NCKAP5: variants seen among roughly 807,000 people sequenced by gnomAD.
NCKAP5 encodes the protein nck-associated protein 5.
NCKAP5 carries 92 observed loss-of-function variants against 167.0 expected under a neutral mutation model. The ratio of observed to expected loss-of-function variants is 0.55; its 90% CI spans 0.47 to 0.66. NCKAP5 has a LOEUF of 0.66. Among genes scored for constraint, NCKAP5 ranks in the 30% least tolerant of loss-of-function variants. NCKAP5 has a pLI of 0.00. For missense variants in NCKAP5, 2,378 were observed against 2,315.0 expected (o/e 1.03, Z -0.56); for synonymous variants, 891 against 877.4 (o/e 1.02, Z -0.27).
At chr2:133,531,488 C>CTGGTTCTAAA (rs11281576) in intron 2 of NCKAP5, among the ~76,000 whole-genome samples, 17,094 of 151,970 alleles carry the variant, frequency 0.11, 1,136 homozygotes, top group East Asian at 0.3. Context: ...AGCACTCTTT[C>CTGGTTCTAAA]TGGTTCTAAA....
chr2:133,362,708 G>T (rs1452131955), intron 3 of NCKAP5, among the ~76,000 whole-genome samples: 1 of 152,116 alleles, frequency 6.6e-6, no homozygotes, highest in East Asian at 1.9e-4. Context: ...GAGAGGCAAA[G>T]TGAATCTGGA....
intron 3 of NCKAP5, among the ~76,000 whole-genome samples, chr2:133,429,665 A>G (rs1408246609): frequency 6.7e-6 from 1 of 150,194 alleles, no homozygotes; most frequent in Non-Finnish European, 1.5e-5. Context: ...TTATGGCTGC[A>G]TAGTATTCCA....
intron 3 of NCKAP5, among the ~76,000 whole-genome samples, chr2:133,413,351 A>G (rs1369599872): frequency 6.6e-6 from 1 of 152,216 alleles, no homozygotes; most frequent in Non-Finnish European, 1.5e-5. Flanking sequence ...ATTGTAATGC[A>G]CACAGATTGC....
chr2:133,503,187 T>C (rs1005915077), intron 3 of NCKAP5, among the ~76,000 whole-genome samples: 5 of 152,224 alleles, frequency 3.3e-5, no homozygotes, highest in African/African-American at 4.8e-5. Flanking sequence ...ATAGTGACTG[T>C]TATTCATTTC....
intron 5 of NCKAP5, among the ~76,000 whole-genome samples, chr2:133,173,375 T>C (rs557735591): frequency 7.2e-5 from 11 of 152,192 alleles, no homozygotes; most frequent in Non-Finnish European, 1.6e-4. Flanking sequence ...CAGGTTATTT[T>C]GAACTTTTAT....
chr2:133,142,605 A>T (rs558434721), intron 5 of NCKAP5, among the ~76,000 whole-genome samples: 14 of 152,282 alleles, frequency 9.2e-5, no homozygotes, highest in African/African-American at 3.4e-4. Context: ...GACTGAACAC[A>T]GCAAGAGCTA....
chr2:132,828,760 A>C lies in NCKAP5; in HGVS notation c.807+31732T>G, dbSNP rs574790507. On this transcript the variant is annotated intron_variant, in intron 11 of 19. Transcript: ENST00000409261. ...CTTGGTCTAATCCCAGAAGGCAATT[A>C]TCTCTCTCAAGCTTCCACAGGTAGC... is the stretch of plus-strand genomic sequence containing the variant. 2.0e-5 allele frequency among the ~76,000 whole-genome samples: 3 copies of C among 152,314 alleles called. No individual in the cohort carries two copies. The South Asian group carries it at 6.2e-4, about 32-fold the overall frequency.
chr2:133,459,827 A>G (rs977361785), intron 3 of NCKAP5, among the ~76,000 whole-genome samples: 1 of 152,216 alleles, frequency 6.6e-6, no homozygotes, highest in Non-Finnish European at 1.5e-5. Flanking sequence ...CGTGGGAAGC[A>G]CACACTTTCA....
intron 16 of NCKAP5, among the ~76,000 whole-genome samples, chr2:132,737,715 G>C (rs570450713): frequency 6.6e-6 from 1 of 152,278 alleles, no homozygotes; most frequent in South Asian, 2.1e-4. Context: ...TTGAGGACTA[G>C]AAACAAAGCA....
intron 6 of NCKAP5, among the ~76,000 whole-genome samples, chr2:133,078,795 A>G (rs1209032981): frequency 6.6e-6 from 1 of 152,118 alleles, no homozygotes. Flanking sequence ...ATGAAGCACT[A>G]TAGGATGTGT....
Position 133,517,541 on chromosome 2 carries a change from A to C in NCKAP5, c.-15T>G, listed in dbSNP as rs377587090. ...TTTCCCTCCATGGATGAAGTTATTT[A>C]TTTTCTTTTGTGACTTATAAGAATC... On this transcript the variant is annotated 5_prime_UTR_variant, in exon 3 of 20. Transcript: ENST00000409261. The C allele has an allele frequency of 4.9e-4, 737 of 1,503,728 alleles. No individual in the cohort carries two copies. The highest frequency in any genetic ancestry group is 6.2e-4 in the Non-Finnish European group (698 of 1,120,442). 93.1% of individuals were successfully genotyped at this position (1,503,728 alleles called of 1,614,324 possible).
chr2:133,597,545 T>A, the NCKAP5 span, among the ~76,000 whole-genome samples: 4 of 151,776 alleles, frequency 2.6e-5, no homozygotes, highest in Non-Finnish European at 5.9e-5. Context: ...GGCACGTGCC[T>A]GTAGTCCCAG....
chr2:133,506,059 C>T (rs1215813141), intron 3 of NCKAP5, among the ~76,000 whole-genome samples: 1 of 152,192 alleles, frequency 6.6e-6, no homozygotes, highest in African/African-American at 2.4e-5. Flanking sequence ...CATTTCAACT[C>T]CAGCTCTAGT....
At chr2:133,158,427 A>C (rs569778837) in intron 5 of NCKAP5, among the ~76,000 whole-genome samples, 1 of 152,336 alleles carries the variant, frequency 6.6e-6, no homozygotes, top group South Asian at 2.1e-4. Context: ...TGGAGGCTGC[A>C]CCTTTTAAAC....
intron 7 of NCKAP5, among the ~76,000 whole-genome samples, chr2:132,975,615 G>C (rs2076956184): frequency 6.6e-6 from 1 of 152,184 alleles, no homozygotes; most frequent in Non-Finnish European, 1.5e-5. Flanking sequence ...GTATGCTCCA[G>C]GTGGCTGGAC....
the NCKAP5 span, among the ~76,000 whole-genome samples, chr2:133,625,304 T>C: frequency 1.3e-4 from 20 of 152,170 alleles, no homozygotes; most frequent in African/African-American, 4.8e-4. Context: ...TAAGACACTA[T>C]ACATATTCCT....
intron 6 of NCKAP5, among the ~76,000 whole-genome samples, chr2:133,112,082 G>GA (rs1312217932): frequency 6.6e-6 from 1 of 152,108 alleles, no homozygotes; most frequent in East Asian, 1.9e-4. Flanking sequence ...GCAACATATA[G>GA]AAAAAACATG....
intron 12 of NCKAP5, 149 bp from the exon 13 acceptor site, chr2:132,790,354 A>G: frequency 1.4e-6 from 1 of 702,254 alleles, no homozygotes; most frequent in Non-Finnish European, 2.3e-6. Flanking sequence ...CTGGAAAATC[A>G]GCTGAAAATG....
intron 16 of NCKAP5, among the ~76,000 whole-genome samples, chr2:132,760,217 A>T (rs1458864662): frequency 6.6e-6 from 1 of 152,108 alleles, no homozygotes; most frequent in Non-Finnish European, 1.5e-5. Flanking sequence ...TGCATTTCAG[A>T]TCTTCCTGAG....
Sources: allele counts gnomAD v4.1 joint callset (sites outside exome capture counted in the v4.1 genomes callset), GRCh38; gene constraint gnomAD v4.1.1; transcripts MANE v1.5; gene names NCBI Gene and HGNC (gene_info 2026-07-23, HGNC 2026-07-21).